SDF2: variants seen among roughly 807,000 people sequenced by gnomAD.
SDF2 encodes stromal cell derived factor 2.
Under a neutral mutation model 20.5 loss-of-function variants are expected in SDF2, and 12 were observed. The ratio of observed to expected loss-of-function variants is 0.58; its 90% confidence interval spans 0.37 to 0.95. SDF2 has a LOEUF of 0.95. SDF2 is among the 40% of genes least tolerant of loss of function. The pLI, the probability that SDF2 is intolerant of heterozygous loss-of-function variation, is 0.01. For synonymous variants in SDF2, 100 were observed against 101.0 expected (o/e 0.99, Z 0.06); for missense variants, 238 against 263.1 (o/e 0.90, Z 0.66).
chr17:28,661,113 T>C (rs2072032736), intron 1 of SDF2: 1 of 407,662 alleles, frequency 2.5e-6, no homozygotes, highest in Non-Finnish European at 4.7e-6. Flanking sequence ...AGCAGTTTTC[T>C]CTGCAATTCC....
Position 28,655,399 on chromosome 17 carries a change from A to G in SDF2, c.236T>C (p.Val79Ala), listed in dbSNP as rs1287482265. The change falls in exon 2 of 3, where the codon GTG (valine) becomes GCG (alanine). Residue 79 changes from valine to alanine, a missense_variant. Transcript: ENST00000247020. ...YWRIRGKSATVCERGTPIKCG... is the reference protein window; with the variant it reads ...YWRIRGKSATACERGTPIKCG... ...CTTGATGGGGGTTCCCCTCTCACACACTGTGGCACTCTTCCCCCGTATCCT... is the reference window on the plus strand; with the variant it reads ...CTTGATGGGGGTTCCCCTCTCACACGCTGTGGCACTCTTCCCCCGTATCCT... 5.0e-6 allele frequency: 8 copies of G among 1,614,180 alleles called. No individual in the cohort carries two copies. The highest frequency in any genetic ancestry group is 6.8e-6 in the Non-Finnish European group (8 of 1,180,036).
Position 28,655,109 on chromosome 17 carries a change from A to G in SDF2, c.348+178T>C, listed in dbSNP as rs552040181. On this transcript the variant is annotated intron_variant, in intron 2 of 2. Coordinates refer to ENST00000247020, the MANE Select transcript of SDF2 (RefSeq NM_006923.4). ...ATGCCACTGCACTGCAGCCTGGGTG[A>G]CAGAGTGAGACTGCGTCTCAAAAAC... 2.6e-5 allele frequency among the ~76,000 whole-genome samples: 4 copies of G among 152,374 alleles called. No homozygotes were observed. The South Asian group carries it at 6.2e-4, about 24-fold the overall frequency.
At chr17:28,652,910 C>A (rs1024847939) in intron 2 of SDF2, among the ~76,000 whole-genome samples, 1 of 152,126 alleles carries the variant, frequency 6.6e-6, no homozygotes, top group Non-Finnish European at 1.5e-5. Context: ...AAAGTTGGAA[C>A]AATTTGAGCA....
At chr17:28,656,994 T>C (rs2071969048) in intron 1 of SDF2, among the ~76,000 whole-genome samples, 1 of 152,118 alleles carries the variant, frequency 6.6e-6, no homozygotes, top group Non-Finnish European at 1.5e-5. Flanking sequence ...TTTGGGAGGC[T>C]GAGGCAGGCA....
chr17:28,649,438 C>A (rs1283526385), intron 2 of SDF2, among the ~76,000 whole-genome samples, 162 bp from the exon 3 acceptor site: 3 of 152,166 alleles, frequency 2.0e-5, no homozygotes, highest in Admixed American at 2.0e-4. Flanking sequence ...CAGGGCAGAT[C>A]ACTTGAGCCC....
intron 1 of SDF2, among the ~76,000 whole-genome samples, chr17:28,656,987 G>C (rs2071969021): frequency 6.6e-6 from 1 of 152,136 alleles, no homozygotes; most frequent in African/African-American, 2.4e-5. Flanking sequence ...CCAGCACTTT[G>C]GGAGGCTGAG....
chr17:28,651,010 T>C (rs2071910601), intron 2 of SDF2, among the ~76,000 whole-genome samples: 1 of 151,996 alleles, frequency 6.6e-6, no homozygotes, highest in African/African-American at 2.4e-5. Context: ...ACTTAAACGA[T>C]TCTCCCCACT....
intron 2 of SDF2, among the ~76,000 whole-genome samples, chr17:28,651,092 A>G (rs1231458100): frequency 6.6e-6 from 1 of 152,036 alleles, no homozygotes; most frequent in East Asian, 1.9e-4. Flanking sequence ...CTTTTTTGAG[A>G]CAGCATCTCG....
At chr17:28,651,803 C>T (rs1401904495) in intron 2 of SDF2, among the ~76,000 whole-genome samples, 4 of 150,184 alleles carry the variant, frequency 2.7e-5, no homozygotes, top group Non-Finnish European at 4.5e-5. Flanking sequence ...TGTGTGTGTA[C>T]ACTCTACTTG....
In SDF2 at chr17:28,655,356, C is replaced by T; in HGVS notation, c.279G>A (p.Arg93=). 1 of 1,614,228 alleles carries T rather than the reference C, an allele frequency of 6.2e-7. No individual in the cohort carries two copies. The part of the protein sequence containing the change: ...GTPIKCGQPI[R]LTHVNTGRNL... The stretch of plus-strand genomic sequence containing the variant: ...TTCGGCCAGTGTTGACATGTGTCAG[C>T]CGGATGGGCTGGCCACACTTGATGG... Residue 93 remains arginine, a synonymous_variant, in exon 2 of 3, where the codon CGG becomes CGA. Transcript: ENST00000247020.
At chr17:28,649,892 C>A (rs547421253) in intron 2 of SDF2, among the ~76,000 whole-genome samples, 9 of 141,056 alleles carry the variant, frequency 6.4e-5, no homozygotes, top group East Asian at 2.0e-4. Context: ...CAGAGCAAGA[C>A]CCCATCTCAA....
chr17:28,650,534 C>A (rs1670513005), intron 2 of SDF2, among the ~76,000 whole-genome samples: 1 of 151,038 alleles, frequency 6.6e-6, no homozygotes, highest in Non-Finnish European at 1.5e-5. Context: ...GCCTGTAATC[C>A]CAGTAATTTG....
intron 1 of SDF2, 71 bp from the exon 2 acceptor site, chr17:28,655,554 G>T (rs2071954651): frequency 1.2e-5 from 17 of 1,364,988 alleles, no homozygotes; most frequent in Non-Finnish European, 1.7e-5. Flanking sequence ...AGAAGCTTGA[G>T]TGCGCTCAAG....
Position 28,661,849 on chromosome 17 carries a change from CCAA to C in SDF2, c.25_27del (p.Leu9del). ...GCTCCCACAGCGCTCCACAAACCCCCCAACAACAGCAGAGGTACTACAGCCATC... is the reference window on the plus strand; with the variant it reads ...GCTCCCACAGCGCTCCACAAACCCCCCAACAGCAGAGGTACTACAGCCATC... On this transcript the variant is annotated inframe_deletion, in exon 1 of 3. Coordinates refer to ENST00000247020, the MANE Select transcript of SDF2 (RefSeq NM_006923.4). 1.2e-6 allele frequency: 2 copies of C among 1,614,006 alleles called. No individual in the cohort carries two copies. The highest frequency in any genetic ancestry group is 1.7e-6 in the Non-Finnish European group (2 of 1,179,892).
At chr17:28,655,660 C>T (rs1241802478) in intron 1 of SDF2, 177 bp from the exon 2 acceptor site, 22 of 629,432 alleles carry the variant, frequency 3.5e-5, no homozygotes, top group Non-Finnish European at 5.0e-5. Context: ...GACTGAAGAC[C>T]GCCCTCAGCC....
chr17:28,655,792 T>C, intron 1 of SDF2: 1 of 388,758 alleles, frequency 2.6e-6, no homozygotes, highest in Admixed American at 3.2e-5. Flanking sequence ...GGGTGGCCCT[T>C]TGTGCCGAAC....
At chr17:28,654,364 A>C (rs1339954466) in intron 2 of SDF2, among the ~76,000 whole-genome samples, 1 of 152,128 alleles carries the variant, frequency 6.6e-6, no homozygotes, top group Non-Finnish European at 1.5e-5. Flanking sequence ...TAAAAAAAAA[A>C]AAAACACTGC....
chr17:28,661,882 C>T lies in SDF2; in HGVS notation c.-6G>A. 6.3e-7 allele frequency: 1 copy of T among 1,596,250 alleles called. No homozygotes were observed. Among genetic ancestry groups the T allele is most frequent in the Non-Finnish European group, 8.6e-7 (1 of 1,165,136 alleles). ...AGCAGAGGTACTACAGCCATCCTAA[C>T]TGTATCGCGGAGCCCCAAATCTTCG... On this transcript the variant is annotated 5_prime_UTR_variant, in exon 1 of 3. Transcript: ENST00000247020.
intron 1 of SDF2, among the ~76,000 whole-genome samples, chr17:28,658,825 C>A (rs2071991453): frequency 6.6e-6 from 1 of 152,146 alleles, no homozygotes; most frequent in Non-Finnish European, 1.5e-5. Flanking sequence ...ACTTGGAAGA[C>A]TGCACAGCGG....
Sources: allele counts gnomAD v4.1 joint callset (sites outside exome capture counted in the v4.1 genomes callset), GRCh38; gene constraint gnomAD v4.1.1; transcripts MANE v1.5; gene names NCBI Gene and HGNC (gene_info 2026-07-23, HGNC 2026-07-21).